The following PKHD1 variants were observed in gnomAD, a reference collection of about 807,000 sequenced individuals.
PKHD1 encodes the protein PKHD1 ciliary IPT domain containing fibrocystin/polyductin.
PKHD1 carries 291 observed loss-of-function variants against 412.0 expected under a neutral mutation model. That is an observed-to-expected ratio of 0.71 (90% CI 0.64 to 0.78). The LOEUF is 0.78. Ranked by LOEUF, PKHD1 falls within the 30% of genes least tolerant of loss-of-function variation. The pLI, the probability that PKHD1 is intolerant of heterozygous loss-of-function variation, is 0.00. For missense variants in PKHD1, 4,825 were observed against 4,950.7 expected (o/e 0.97, Z 0.76); for synonymous variants, 1,777 against 1,821.5 (o/e 0.98, Z 0.62).
At chr6:51,837,763 GA>G (rs1271036594) in intron 50 of PKHD1, among the ~76,000 whole-genome samples, 2 of 152,144 alleles carry the variant, frequency 1.3e-5, no homozygotes, top group Middle Eastern at 3.4e-3. Context: ...ATATTACAAA[GA>G]AAATGATCCC....
chr6:51,791,168 G>A (rs745629650), intron 53 of PKHD1, 68 bp downstream of exon 53: 4 of 1,500,230 alleles, frequency 2.7e-6, no homozygotes, highest in Non-Finnish European at 3.7e-6. Flanking sequence ...GATACCATCT[G>A]TTTCCCAGAG....
chr6:51,863,486 G>T (rs112210825), intron 48 of PKHD1, among the ~76,000 whole-genome samples: 1,544 of 152,226 alleles, frequency 0.01, 26 homozygotes, highest in African/African-American at 0.035. Flanking sequence ...AATTATAAGG[G>T]TTGAGCTTAC....
chr6:51,896,989 G>C (rs1419912415), intron 43 of PKHD1, among the ~76,000 whole-genome samples: 1 of 151,638 alleles, frequency 6.6e-6, no homozygotes, highest in Admixed American at 6.6e-5. Flanking sequence ...AATGAGCAAA[G>C]CCTCCAAGAA....
chr6:51,833,231 A>C (rs1197274369), intron 51 of PKHD1, among the ~76,000 whole-genome samples: 1 of 152,180 alleles, frequency 6.6e-6, no homozygotes, highest in African/African-American at 2.4e-5. Flanking sequence ...TATATCACAG[A>C]TGATGGAAAC....
At chr6:51,874,664 C>T (rs897420888) in intron 46 of PKHD1, among the ~76,000 whole-genome samples, 1 of 152,186 alleles carries the variant, frequency 6.6e-6, no homozygotes, top group South Asian at 2.1e-4. Flanking sequence ...CGCAGTGGCT[C>T]ACGCCTGTAA....
chr6:51,747,967 C>A lies in PKHD1; in HGVS notation c.9649G>T (p.Asp3217Tyr), dbSNP rs746289423. 1 of 1,614,026 alleles carries A rather than the reference C, an allele frequency of 6.2e-7. No homozygotes were observed. Among genetic ancestry groups the A allele is most frequent in the South Asian group, 1.1e-5 (1 of 91,076 alleles). ...ATSSSFDCIQ[D>Y]KVKPHSANLT... The stretch of plus-strand genomic sequence containing the variant: ...TTGGCTGAGTGCGGCTTCACTTTGT[C>A]CTGAATGCAGTCAAAAGAAGAGCTG... The change falls in exon 58 of 67, where the codon GAC becomes TAC. Residue 3217 changes from aspartate to tyrosine, a missense_variant. Transcript: ENST00000371117.
At chr6:51,910,284 G>T (rs1782752009) in intron 39 of PKHD1, among the ~76,000 whole-genome samples, 1 of 152,000 alleles carries the variant, frequency 6.6e-6, no homozygotes, top group South Asian at 2.1e-4. Flanking sequence ...GGATAATAAA[G>T]ATTTTTCATG....
intron 34 of PKHD1, among the ~76,000 whole-genome samples, chr6:52,010,746 G>C (rs1383605434): frequency 1.3e-5 from 2 of 152,154 alleles, no homozygotes; most frequent in African/African-American, 4.8e-5. Flanking sequence ...TCCTAGCCCA[G>C]CTTAACAAGA....
At chr6:51,991,168 C>G (rs750949382) in intron 35 of PKHD1, among the ~76,000 whole-genome samples, 3 of 152,100 alleles carry the variant, frequency 2.0e-5, no homozygotes, top group Non-Finnish European at 4.4e-5. Context: ...TTATTTGGGT[C>G]TCCAAGAAAT....
chr6:51,964,289 A>T (rs1792491867), intron 35 of PKHD1, among the ~76,000 whole-genome samples: 2 of 152,224 alleles, frequency 1.3e-5, no homozygotes, highest in East Asian at 3.9e-4. Context: ...GTATGCATTG[A>T]GCTGGGGTGG....
At chr6:51,867,581 G>A (rs956306562) in intron 48 of PKHD1, among the ~76,000 whole-genome samples, 1 of 152,100 alleles carries the variant, frequency 6.6e-6, no homozygotes, top group East Asian at 1.9e-4. Context: ...TCTGTTGGCT[G>A]TAAGTCTTTC....
chr6:51,698,768 AT>A (rs1779087615), intron 60 of PKHD1, among the ~76,000 whole-genome samples: 1 of 152,228 alleles, frequency 6.6e-6, no homozygotes, highest in Non-Finnish European at 1.5e-5. Flanking sequence ...ATGCTATTAT[AT>A]TAATTAATGC....
At chr6:51,941,847 A>T (rs576663973) in intron 36 of PKHD1, among the ~76,000 whole-genome samples, 43 of 151,676 alleles carry the variant, frequency 2.8e-4, no homozygotes, top group African/African-American at 1.0e-3. Context: ...CATCAGGCTC[A>T]GCAAATTACC....
chr6:52,057,004 C>T (rs374827799), intron 16 of PKHD1, 25 bp from the exon 17 acceptor site: 1 of 1,475,534 alleles, frequency 6.8e-7, no homozygotes, highest in Admixed American at 1.7e-5. Flanking sequence ...ACAGACAAGA[C>T]TAAATGATGG....
intron 15 of PKHD1, 42 bp downstream of exon 15, chr6:52,059,886 G>A: frequency 1.1e-6 from 1 of 934,188 alleles, no homozygotes; most frequent in Non-Finnish European, 1.8e-6. Context: ...ATGGGTATGG[G>A]ACTGGCAACA....
intron 48 of PKHD1, among the ~76,000 whole-genome samples, chr6:51,860,963 C>T (rs1270629713): frequency 6.6e-6 from 1 of 152,018 alleles, no homozygotes; most frequent in Non-Finnish European, 1.5e-5. Flanking sequence ...AGGCACCCAC[C>T]ACCACACCCA....
At chr6:51,832,673 C>G (rs1018646946) in intron 51 of PKHD1, among the ~76,000 whole-genome samples, 1 of 151,976 alleles carries the variant, frequency 6.6e-6, no homozygotes, top group African/African-American at 2.4e-5. Context: ...AATTTGGCAT[C>G]ATCGGCCTAG....
intron 35 of PKHD1, among the ~76,000 whole-genome samples, chr6:51,995,415 A>G (rs1797607150): frequency 6.6e-6 from 1 of 152,244 alleles, no homozygotes; most frequent in Non-Finnish European, 1.5e-5. Context: ...CTTTGTTTCT[A>G]GTAACTGCCT....
At chr6:51,898,409 T>G (rs1313670947) in intron 43 of PKHD1, among the ~76,000 whole-genome samples, 1 of 149,146 alleles carries the variant, frequency 6.7e-6, no homozygotes, top group Non-Finnish European at 1.5e-5. Context: ...TGCTCCTGAA[T>G]GACTACTGGG....
Sources: gnomAD v4.1 joint callset for allele counts (sites outside exome capture counted in the v4.1 genomes callset) on GRCh38, gnomAD v4.1.1 for gene constraint, MANE v1.5 for transcripts, NCBI Gene and HGNC (gene_info 2026-07-23, HGNC 2026-07-21) for gene names.